Variants in TMEM236 observed in about 807,000 individuals in gnomAD.
TMEM236 encodes transmembrane protein 236, also known as family with sequence similarity 23, member A.
TMEM236 carries 11 observed loss-of-function variants against 14.7 expected under a neutral mutation model. The observed-to-expected ratio is 0.75, with a 90% CI of 0.47 to 1.24. TMEM236 has a LOEUF of 1.24. Ranked by LOEUF, TMEM236 falls within the 50% of genes most tolerant of loss-of-function variation. The probability of loss-of-function intolerance (pLI) is 0.00; values close to 1 mark genes in which losing one functional copy is unlikely to be tolerated. For synonymous variants in TMEM236, 182 were observed against 168.6 expected (o/e 1.08, Z -0.62); for missense variants, 464 against 427.3 (o/e 1.09, Z -0.76).
At chr10:17,759,966 G>A (rs1199166002) in intron 1 of TMEM236, among the ~76,000 whole-genome samples, 1 of 118,498 alleles carries the variant, frequency 8.4e-6, no homozygotes, top group Non-Finnish European at 1.6e-5. Flanking sequence ...CTGGACGAAA[G>A]AGCGAGACTC....
chr10:17,767,919 T>TTA (rs1428699669), intron 1 of TMEM236, among the ~76,000 whole-genome samples: 22 of 150,964 alleles, frequency 1.5e-4, no homozygotes, highest in Non-Finnish European at 2.5e-4. Flanking sequence ...CCATCTTTTT[T>TTA]TTTTTTTTGA....
intron 3 of TMEM236, among the ~76,000 whole-genome samples, chr10:17,780,462 G>C (rs944089593): frequency 1.4e-4 from 22 of 152,260 alleles, no homozygotes; most frequent in Middle Eastern, 3.4e-3. Flanking sequence ...TGCTACAATA[G>C]ATTTTAATAG....
At chr10:17,772,103 G>A (rs1260191478) in intron 2 of TMEM236, among the ~76,000 whole-genome samples, 1 of 152,196 alleles carries the variant, frequency 6.6e-6, no homozygotes, top group Admixed American at 6.5e-5. Flanking sequence ...GCCAGGCACT[G>A]TTAGGTACAG....
Position 17,796,285 on chromosome 10 carries a change from A to G in TMEM236, c.837A>G (p.Arg279=). The G allele has an allele frequency of 6.2e-7, 1 of 1,613,908 alleles. No individual in the cohort carries two copies. Among genetic ancestry groups the G allele is most frequent in the Non-Finnish European group, 8.5e-7 (1 of 1,179,850 alleles). ...VYIFSFISLL[R]ITFTPQNPLL... Reference sequence around the variant, plus strand: ...TATTCAGTTTTATTTCTCTCCTTCGAATTACATTCACTCCCCAAAACCCTC... The same window carrying G: ...TATTCAGTTTTATTTCTCTCCTTCGGATTACATTCACTCCCCAAAACCCTC... Residue 279 remains arginine, a synonymous_variant, in exon 4 of 4, where the codon CGA becomes CGG. Coordinates refer to ENST00000377495, the MANE Select transcript of TMEM236 (RefSeq NM_001098844.3).
At chr10:17,780,521 G>T (rs1837728472) in intron 3 of TMEM236, among the ~76,000 whole-genome samples, 1 of 152,158 alleles carries the variant, frequency 6.6e-6, no homozygotes, top group African/African-American at 2.4e-5. Flanking sequence ...TTTTATCTAA[G>T]GTGATGAAGG....
At chr10:17,787,133 C>T (rs1001858660) in intron 3 of TMEM236, among the ~76,000 whole-genome samples, 1 of 152,318 alleles carries the variant, frequency 6.6e-6, no homozygotes, top group East Asian at 1.9e-4. Context: ...TTTCTTCCCC[C>T]TGCCTGGTGA....
intron 3 of TMEM236, among the ~76,000 whole-genome samples, chr10:17,785,254 G>A (rs944393499): frequency 9.2e-5 from 14 of 152,104 alleles, no homozygotes; most frequent in Admixed American, 3.3e-4. Flanking sequence ...GATCATCAAC[G>A]TGTCTTCACT....
chr10:17,753,807 C>A (rs1837244283), intron 1 of TMEM236, among the ~76,000 whole-genome samples: 1 of 152,102 alleles, frequency 6.6e-6, no homozygotes, highest in Non-Finnish European at 1.5e-5. Context: ...GTCTTTAGGT[C>A]TTTGAGGAAT....
At chr10:17,762,641 ATT>A (rs1491437371) in intron 1 of TMEM236, among the ~76,000 whole-genome samples, 1 of 133,422 alleles carries the variant, frequency 7.5e-6, no homozygotes, top group Non-Finnish European at 1.6e-5. Context: ...ATATATATAT[ATT>A]TAGGTTTTAT....
In TMEM236 at chr10:17,771,342, C is replaced by G; in HGVS notation, c.291C>G (p.Thr97=). The change falls in exon 2 of 4, where the codon ACC becomes ACG. Residue 97 remains threonine, a synonymous_variant. Transcript: ENST00000377495. ...TTCTGATGATGTGTGTGGTCCTCAC[C>G]ACACTGCCCTGCCTCACCTTTTCCA... ...RPVLMMCVVL[T]TLPCLTFSIA... 6.2e-7 allele frequency: 1 copy of G among 1,613,918 alleles called. No homozygotes were observed. Among genetic ancestry groups the G allele is most frequent in the South Asian group, 1.1e-5 (1 of 91,070 alleles).
At chr10:17,752,649 G>A (rs1464398554) in intron 1 of TMEM236, 97 bp downstream of exon 1, 22 of 1,229,452 alleles carry the variant, frequency 1.8e-5, no homozygotes, top group East Asian at 9.4e-5. Context: ...TCACTGCAAC[G>A]TCCGCCTCCT....
At chr10:17,765,252 G>A (rs1837444150) in intron 1 of TMEM236, among the ~76,000 whole-genome samples, 1 of 152,104 alleles carries the variant, frequency 6.6e-6, no homozygotes. Flanking sequence ...TGGGGGCTGG[G>A]ACTTACACAT....
At position 17,798,836 on chromosome 10, in the gene TMEM236, T is replaced by C. The variant is rs1367961008; in HGVS notation, c.*2332T>C. The C allele has an allele frequency of 2.6e-6, 1 of 385,884 alleles. No individual in the cohort carries two copies. The highest frequency in any genetic ancestry group is 2.0e-5 in the South Asian group (1 of 49,694). 23.9% of individuals were successfully genotyped at this position (385,884 alleles called of 1,614,324 possible). A position where few individuals can be genotyped will look rare whatever the true frequency, so the allele number is the denominator to read the frequency against. ...GAGCACATTTTCTGGCAAACCATAA[T>C]AACTTGATAAATGCTAAGCATTGGA... On this transcript the variant is annotated 3_prime_UTR_variant, in exon 4 of 4. Coordinates refer to ENST00000377495, the MANE Select transcript of TMEM236 (RefSeq NM_001098844.3).
Position 17,796,630 on chromosome 10 carries a change from AT to A in TMEM236, c.*131del. ...ATGACTAGATTGTAGAGAATAAGCC[AT>A]TTTTACTAACTCTAGCATATCAGTT... On this transcript the variant is annotated 3_prime_UTR_variant, in exon 4 of 4. Coordinates refer to ENST00000377495, the MANE Select transcript of TMEM236 (RefSeq NM_001098844.3). The A allele has an allele frequency of 1.2e-6, 1 of 802,836 alleles. No homozygotes were observed. Among genetic ancestry groups the A allele is most frequent in the Non-Finnish European group, 2.0e-6 (1 of 504,362 alleles). 49.7% of individuals were successfully genotyped at this position (802,836 alleles called of 1,614,324 possible). A position where few individuals can be genotyped will look rare whatever the true frequency, so the allele number is the denominator to read the frequency against.
intron 2 of TMEM236, among the ~76,000 whole-genome samples, chr10:17,775,620 C>T (rs1837647118): frequency 6.6e-6 from 1 of 152,118 alleles, no homozygotes; most frequent in South Asian, 2.1e-4. Context: ...AGGAAGTGTC[C>T]CAAAGTCTAG....
chr10:17,754,944 A>ATTTG (rs1443138938), intron 1 of TMEM236, among the ~76,000 whole-genome samples: 8 of 150,172 alleles, frequency 5.3e-5, no homozygotes, highest in African/African-American at 2.0e-4. Context: ...TTATTTATTT[A>ATTTG]TTTATTTATT....
At chr10:17,787,270 G>A (rs1837853132) in intron 3 of TMEM236, among the ~76,000 whole-genome samples, 1 of 152,218 alleles carries the variant, frequency 6.6e-6, no homozygotes, top group Non-Finnish European at 1.5e-5. Flanking sequence ...CACCCTCTGT[G>A]GGGCCTGATG....
chr10:17,765,834 G>A (rs988694385), intron 1 of TMEM236, among the ~76,000 whole-genome samples: 2 of 152,180 alleles, frequency 1.3e-5, no homozygotes, highest in Non-Finnish European at 2.9e-5. Context: ...TGTGGTTGCA[G>A]CACCAGTCTC....
intron 3 of TMEM236, among the ~76,000 whole-genome samples, chr10:17,777,007 A>T (rs972892983): frequency 0.02 from 2,971 of 152,260 alleles, 90 homozygotes; most frequent in African/African-American, 0.068. Flanking sequence ...CATGTTGTGC[A>T]TTTGAAATGG....
Sources: gnomAD v4.1 joint callset for allele counts (sites outside exome capture counted in the v4.1 genomes callset) on GRCh38, gnomAD v4.1.1 for gene constraint, MANE v1.5 for transcripts, NCBI Gene and HGNC (gene_info 2026-07-23, HGNC 2026-07-21) for gene names.